ZNF236: variants seen among roughly 807,000 people sequenced by gnomAD.
ZNF236 encodes the protein zinc finger protein 236.
ZNF236 carries 50 observed loss-of-function variants against 191.2 expected under a neutral mutation model. That is an observed-to-expected ratio of 0.26 (90% confidence interval 0.21 to 0.33). The LOEUF is 0.33. Ranked by LOEUF, ZNF236 falls within the 10% of genes least tolerant of loss-of-function variation. ZNF236 has a pLI of 1.00. For synonymous variants in ZNF236, 907 were observed against 928.8 expected (o/e 0.98, Z 0.43); for missense variants, 1,754 against 2,374.5 (o/e 0.74, Z 5.43).
chr18:76,936,513 G>T (rs762572393), intron 25 of ZNF236: 17 of 428,368 alleles, frequency 4.0e-5, no homozygotes, highest in Non-Finnish European at 6.5e-5. Context: ...TTTCAGTTTT[G>T]TTGTCTTTTC....
At chr18:76,863,993 A>G (rs903342826) in intron 3 of ZNF236, among the ~76,000 whole-genome samples, 2 of 152,178 alleles carry the variant, frequency 1.3e-5, no homozygotes, top group Non-Finnish European at 1.5e-5. Flanking sequence ...ATTGCCCTCC[A>G]TGATGTGGGT....
chr18:76,832,560 C>T (rs1393407581), intron 1 of ZNF236, among the ~76,000 whole-genome samples: 1 of 150,986 alleles, frequency 6.6e-6, no homozygotes, highest in South Asian at 2.1e-4. Context: ...TCTGTACTTA[C>T]TCTTTTCCAC....
chr18:76,912,435 G>T lies in ZNF236; in HGVS notation c.2909+88G>T. The T allele has an allele frequency of 3.5e-6, 3 of 857,378 alleles. No homozygotes were observed. In the East Asian group the frequency reaches 7.7e-5, roughly 22 times the overall value. 53.1% of individuals were successfully genotyped at this position (857,378 alleles called of 1,614,324 possible). A position where few individuals can be genotyped will look rare whatever the true frequency, so the allele number is the denominator to read the frequency against. ...GTTTGCCCCGCTCCAAGGGCTCTGC[G>T]ATTTCATTCTCTCAAAACTGTTCAA... On this transcript the variant is annotated intron_variant, in intron 17 of 30. Transcript: ENST00000320610.
chr18:76,852,015 A>G, intron 3 of ZNF236, 76 bp downstream of exon 3: 2 of 1,447,356 alleles, frequency 1.4e-6, no homozygotes, highest in Non-Finnish European at 1.9e-6. Context: ...GGAGGATTTT[A>G]GATATAAACT....
rs1249747313 is a variant in ZNF236 at position 76,824,195 on chromosome 18, T to A, written c.55+1533T>A. 6.0e-6 allele frequency: 4 copies of A among 661,840 alleles called. No individual in the cohort carries two copies. The East Asian group carries it at 1.1e-4, about 18-fold the overall frequency. The allele number at this position is 661,840 out of a possible 1,614,324, so 41.0% of individuals were successfully genotyped here. ...TACAAAGGATTGTGTTAATTTTGTG[T>A]TTAGGAAGAAAGAGGTAATGGGTAG... On this transcript the variant is annotated intron_variant, in intron 1 of 30. Transcript: ENST00000320610.
Position 76,875,828 on chromosome 18 carries a change from GT to G in ZNF236, c.840+167del, listed in dbSNP as rs1478138326. On this transcript the variant is annotated intron_variant, in intron 6 of 30. Transcript: ENST00000320610. The surrounding 1 kb of genome is among the most constrained non-coding windows in gnomAD (Gnocchi z 4.3). ...AAATACATACGTGGGAATTTTTTTG[GT>G]TTATTACATGTGGAAGAAATATAAA... 6.6e-5 allele frequency among the ~76,000 whole-genome samples: 10 copies of G among 152,112 alleles called. No individual in the cohort carries two copies. Among genetic ancestry groups the G allele is most frequent in the Non-Finnish European group, 1.5e-4 (10 of 67,998 alleles).
chr18:76,895,654 A>G (rs574999613), intron 10 of ZNF236, among the ~76,000 whole-genome samples: 1 of 152,052 alleles, frequency 6.6e-6, no homozygotes, highest in East Asian at 1.9e-4. Flanking sequence ...GGTACTGCAC[A>G]CAAGTACTGC....
rs550217758 is a variant in ZNF236, at chr18:76,921,033, T to C, written c.3557+975T>C. 3.3e-5 allele frequency among the ~76,000 whole-genome samples: 5 copies of C among 152,342 alleles called. No homozygotes were observed. In the East Asian group the frequency reaches 5.8e-4, roughly 18 times the overall value. On this transcript the variant is annotated intron_variant, in intron 20 of 30. Transcript: ENST00000320610. ...AAAACAAACCGTGAAGATTTTAATA[T>C]TGCAGGATGTTTCAGAAAACCAAAG... is the stretch of plus-strand genomic sequence containing the variant.
intron 3 of ZNF236, among the ~76,000 whole-genome samples, chr18:76,857,171 C>T (rs546145318): frequency 2.0e-5 from 3 of 152,156 alleles, no homozygotes; most frequent in East Asian, 3.9e-4. Flanking sequence ...GTCCTTCTCT[C>T]GCAGGGCCTT....
intron 28 of ZNF236, among the ~76,000 whole-genome samples, chr18:76,957,367 G>A (rs964724086): frequency 2.4e-4 from 36 of 152,252 alleles, no homozygotes; most frequent in Non-Finnish European, 3.5e-4. Context: ...GGCCCTGTCC[G>A]GGCCAGGAAG....
rs1967747880 is a variant in ZNF236 at position 76,927,926 on chromosome 18, G to T, written c.4415-1G>T. On this transcript the variant is annotated splice_acceptor_variant, in intron 24 of 30. Coordinates refer to ENST00000320610, the MANE Select transcript of ZNF236 (RefSeq NM_001306089.2). LOFTEE classifies it high-confidence loss of function. This position sits in a 1 kb window ranked among gnomAD's most constrained non-coding sequence, Gnocchi z 5.4. ...TTGTTTTGCTTTGTAATGACAATCAGGGACCCAAGACCTCACTCAAGTGAT... is the reference window on the plus strand; with the variant it reads ...TTGTTTTGCTTTGTAATGACAATCATGGACCCAAGACCTCACTCAAGTGAT... 1.3e-6 allele frequency: 2 copies of T among 1,562,742 alleles called. No individual in the cohort carries two copies. The highest frequency in any genetic ancestry group is 2.4e-5 in the South Asian group (2 of 81,928).
Position 76,881,473 on chromosome 18 carries a change from GA to G in ZNF236, c.1387del (p.Met463Ter), listed in dbSNP as rs769237443. 6 of 1,595,204 alleles carry G rather than the reference GA, an allele frequency of 3.8e-6. No homozygotes were observed. The Admixed American group carries it at 7.1e-5, about 19-fold the overall frequency. On this transcript the variant is annotated frameshift_variant, in exon 9 of 31. Transcript: ENST00000320610. LOFTEE classifies it high-confidence loss of function. The part of the protein sequence containing the change: ...QESPEKLDKK[E>X]KKMIKKKSPF... ...AAGCCCGGAGAAACTGGATAAAAAA[GA>G]AAAAAAAATGATAAAGAAGAAGTCA...
At chr18:76,849,030 G>T (rs1207111899) in intron 1 of ZNF236, among the ~76,000 whole-genome samples, 4 of 152,186 alleles carry the variant, frequency 2.6e-5, no homozygotes, top group Non-Finnish European at 5.9e-5. Flanking sequence ...GCATTTAAAG[G>T]CTTTAATATT....
rs147839589 is a variant in ZNF236, at chr18:76,918,755, G to A, written c.3275-1021G>A. ...TTTTTGGTAAAGATGGACTCTTGCT[G>A]TGTGGCCCAGGCTGGTCTCACACTC... On this transcript the variant is annotated intron_variant, in intron 19 of 30. Coordinates refer to ENST00000320610, the MANE Select transcript of ZNF236 (RefSeq NM_001306089.2). Among the ~76,000 whole-genome samples the A allele has an allele frequency of 4.7e-3, 716 of 152,246 alleles. 4 individuals carry two copies. The highest frequency in any genetic ancestry group is 0.016 in the African/African-American group (651 of 41,544).
intron 1 of ZNF236, among the ~76,000 whole-genome samples, chr18:76,835,601 CCTG>C (rs1451662034): frequency 6.6e-6 from 1 of 152,090 alleles, no homozygotes; most frequent in African/African-American, 2.4e-5. Flanking sequence ...TGTTGGTACA[CCTG>C]CACCATGACT....
intron 3 of ZNF236, among the ~76,000 whole-genome samples, chr18:76,857,733 G>A (rs1568198314): frequency 1.3e-5 from 2 of 152,060 alleles, no homozygotes; most frequent in Non-Finnish European, 2.9e-5. Flanking sequence ...TCTCTGCTGT[G>A]TCTCTCTTTG....
rs1428150005 is a variant in ZNF236 at position 76,972,304 on chromosome 18, A to G, written c.*3965A>G. On this transcript the variant is annotated 3_prime_UTR_variant, in exon 31 of 31. Coordinates refer to ENST00000320610, the MANE Select transcript of ZNF236 (RefSeq NM_001306089.2). ...GGCCAGATGCCCACATATTCCTAGC[A>G]GAGACATGTTCTTTGTCATGGTGTG... Among the ~76,000 whole-genome samples, 1 of 152,278 alleles carries G rather than the reference A, an allele frequency of 6.6e-6. No individual in the cohort carries two copies. Among genetic ancestry groups the G allele is most frequent in the Non-Finnish European group, 1.5e-5 (1 of 68,050 alleles).
intron 9 of ZNF236, among the ~76,000 whole-genome samples, chr18:76,883,894 A>T (rs2033960390): frequency 6.6e-6 from 1 of 152,236 alleles, no homozygotes; most frequent in Admixed American, 6.5e-5. Flanking sequence ...GTAAGTCATA[A>T]CATTAATTGC....
Position 76,899,205 on chromosome 18 carries a change from T to G in ZNF236, c.1877T>G (p.Ile626Ser), listed in dbSNP as rs1021015509. 1 of 1,613,624 alleles carries G rather than the reference T, an allele frequency of 6.2e-7. No individual in the cohort carries two copies. The highest frequency in any genetic ancestry group is 8.5e-7 in the Non-Finnish European group (1 of 1,179,578). The change falls in exon 11 of 31, where the codon ATC becomes AGC. Residue 626 changes from isoleucine to serine, a missense_variant. By Grantham distance (142) the Ile-to-Ser change is moderately radical. Transcript: ENST00000320610. Reference sequence around the variant, plus strand: ...CCTGATATTCCTTTGCAGGAACCAATCCTCATAACTGACTTAGGTAAGATG... The same window carrying G: ...CCTGATATTCCTTTGCAGGAACCAAGCCTCATAACTGACTTAGGTAAGATG... ...PVPDIPLQEP[I>S]LITDLGLIQP...
Sources: allele counts gnomAD v4.1 joint callset (sites outside exome capture counted in the v4.1 genomes callset), GRCh38; gene constraint gnomAD v4.1.1; non-coding constraint Gnocchi (gnomAD v3.1); transcripts MANE v1.5; gene names NCBI Gene and HGNC (gene_info 2026-07-23, HGNC 2026-07-21).